The following ANK2 variants were observed in gnomAD, a reference collection of about 807,000 sequenced individuals.
ANK2 encodes ankyrin-2.
A neutral mutation model predicts 360.5 loss-of-function variants in ANK2; 83 were observed. The observed-to-expected ratio is 0.23, with a 90% CI of 0.19 to 0.28. The LOEUF is 0.28. ANK2 is among the 10% of genes least tolerant of loss of function. The pLI is 1.00. For synonymous variants in ANK2, 1,740 were observed against 1,759.5 expected (o/e 0.99, Z 0.28); for missense variants, 4,201 against 4,795.7 (o/e 0.88, Z 3.66).
chr4:112,963,748 A>C (rs929101415), intron 2 of ANK2, among the ~76,000 whole-genome samples: 1 of 152,176 alleles, frequency 6.6e-6, no homozygotes, highest in Non-Finnish European at 1.5e-5. Context: ...CGCTGAACCA[A>C]GTCTCTATAA....
chr4:113,131,058 C>A (rs1172558134), intron 1 of ANK2, among the ~76,000 whole-genome samples: 1 of 152,102 alleles, frequency 6.6e-6, no homozygotes, highest in Non-Finnish European at 1.5e-5. Context: ...CACTGTGTTT[C>A]CATCTTAAAG....
the ANK2 span, among the ~76,000 whole-genome samples, chr4:112,800,327 G>A: frequency 1.2e-3 from 184 of 152,178 alleles, 2 homozygotes; most frequent in Middle Eastern, 0.017. Context: ...TTCTAGTTTT[G>A]CCTATATGCA....
intron 1 of ANK2, among the ~76,000 whole-genome samples, chr4:113,072,684 G>C (rs921964223): frequency 1.4e-5 from 2 of 148,076 alleles, no homozygotes; most frequent in East Asian, 4.1e-4. Context: ...AAATGTGAGT[G>C]TAATAAATTA....
Position 113,347,241 on chromosome 4 carries a change from GAATAA to G in ANK2, c.4372-1025_4372-1021del, listed in dbSNP as rs144452113. Reference sequence around the variant, plus strand: ...TTGACATTGTAAATTTTTATTAAATGAATAAAATAAAATATTATTTGTATATTTAA... The same window carrying G: ...TTGACATTGTAAATTTTTATTAAATGAATAAAATATTATTTGTATATTTAA... On this transcript the variant is annotated intron_variant, in intron 35 of 45. Coordinates refer to ENST00000357077, the MANE Select transcript of ANK2 (RefSeq NM_001148.6). 2.3e-3 allele frequency among the ~76,000 whole-genome samples: 347 copies of G among 152,042 alleles called. 1 individual carries two copies. The highest frequency in any genetic ancestry group is 7.9e-3 in the African/African-American group (329 of 41,514).
chr4:113,137,550 T>G (rs2096482551), intron 1 of ANK2, among the ~76,000 whole-genome samples: 2 of 152,204 alleles, frequency 1.3e-5, no homozygotes, highest in Non-Finnish European at 2.9e-5. Context: ...CTTAAAAATA[T>G]TACTTAATAA....
At chr4:112,709,330 T>C in the ANK2 span, among the ~76,000 whole-genome samples, 132,772 of 152,272 alleles carry the variant, frequency 0.87, 58,164 homozygotes, top group Middle Eastern at 0.95. Context: ...GATGAAGAAA[T>C]GGTTGTTTTG....
At chr4:113,306,837 A>G (rs993961471) in intron 23 of ANK2, among the ~76,000 whole-genome samples, 2 of 152,362 alleles carry the variant, frequency 1.3e-5, no homozygotes, top group South Asian at 2.1e-4. Context: ...TAGCACAGCC[A>G]TGATATAAAT....
chr4:112,942,575 T>C (rs890367056), intron 2 of ANK2, among the ~76,000 whole-genome samples: 1 of 151,804 alleles, frequency 6.6e-6, no homozygotes, highest in Non-Finnish European at 1.5e-5. Flanking sequence ...TGAGGATAAA[T>C]GACCAAAGCA....
chr4:112,759,612 G>A, the ANK2 span, among the ~76,000 whole-genome samples: 1 of 152,142 alleles, frequency 6.6e-6, no homozygotes, highest in Admixed American at 6.6e-5. Flanking sequence ...AGGGGGGTGA[G>A]TAAATCAGCA....
intron 1 of ANK2, among the ~76,000 whole-genome samples, chr4:113,075,952 T>C (rs1202908386): frequency 6.6e-6 from 1 of 152,180 alleles, no homozygotes; most frequent in Non-Finnish European, 1.5e-5. Context: ...TTGCTCAAAA[T>C]AGATACTCCA....
In ANK2 at chr4:113,330,168, C is replaced by G. The variant is rs567433908; in HGVS notation, c.2901-78C>G. On this transcript the variant is annotated intron_variant, in intron 26 of 45. Transcript: ENST00000357077. ...AGAGAGATTTTGAGACAAAGCATTA[C>G]GAAAAACAACTTGACAAAGCTTGTT... 3 of 1,393,182 alleles carry G rather than the reference C, an allele frequency of 2.2e-6. No individual in the cohort carries two copies. The East Asian group carries it at 7.4e-5, about 34-fold the overall frequency. The allele number at this position is 1,393,182 out of a possible 1,614,324, so 86.3% of individuals were successfully genotyped here. A position where few individuals can be genotyped will look rare whatever the true frequency, so the allele number is the denominator to read the frequency against.
At chr4:113,374,669 T>C (rs770334036) in intron 45 of ANK2, 1 of 825,154 alleles carries the variant, frequency 1.2e-6, no homozygotes, top group Non-Finnish European at 1.5e-6. Flanking sequence ...TATGTAACTT[T>C]ATAGTTTTGT....
chr4:113,205,153 G>T (rs1041964999), intron 4 of ANK2, among the ~76,000 whole-genome samples: 1 of 139,286 alleles, frequency 7.2e-6, no homozygotes, highest in African/African-American at 2.7e-5. Flanking sequence ...GGAGAATGGC[G>T]TGAACCCGGG....
chr4:113,057,613 A>G (rs754674676), intron 1 of ANK2, among the ~76,000 whole-genome samples: 25 of 152,078 alleles, frequency 1.6e-4, no homozygotes, highest in Non-Finnish European at 3.4e-4. Flanking sequence ...ATATATATAT[A>G]TGTTTAATCA....
chr4:112,726,238 T>A, the ANK2 span, among the ~76,000 whole-genome samples: 8 of 152,140 alleles, frequency 5.3e-5, no homozygotes, highest in Non-Finnish European at 1.2e-4. Flanking sequence ...TGGAATAAGG[T>A]CTCAGAGAGG....
chr4:113,336,532 A>G (rs1237942218), intron 30 of ANK2, 45 bp from the exon 31 acceptor site: 1 of 1,466,980 alleles, frequency 6.8e-7, no homozygotes, highest in East Asian at 2.5e-5. Context: ...CTTTATTTTA[A>G]AATATATACA....
chr4:113,135,259 A>G (rs1480581088), intron 1 of ANK2, among the ~76,000 whole-genome samples: 1 of 152,220 alleles, frequency 6.6e-6, no homozygotes, highest in African/African-American at 2.4e-5. Context: ...AAAACTGTGG[A>G]GAGAGGAGCA....
At chr4:113,318,489 TA>T (rs1231349817) in intron 25 of ANK2, 27 bp from the exon 26 acceptor site, 1 of 1,556,184 alleles carries the variant, frequency 6.4e-7, no homozygotes, top group Non-Finnish European at 8.9e-7. Context: ...AAAGTGTGTT[TA>T]TTCAATCCAG....
intron 21 of ANK2, chr4:113,293,104 G>T: frequency 2.5e-6 from 1 of 402,708 alleles, no homozygotes; most frequent in South Asian, 2.0e-5. Context: ...CCTGGTACTT[G>T]CTAACAGGTT....
Sources: allele counts gnomAD v4.1 joint callset (sites outside exome capture counted in the v4.1 genomes callset), GRCh38; gene constraint gnomAD v4.1.1; transcripts MANE v1.5; gene names NCBI Gene and HGNC (gene_info 2026-07-23, HGNC 2026-07-21).